AHCYL2: variants seen among roughly 807,000 people sequenced by gnomAD.
AHCYL2 encodes adenosylhomocysteinase like 2, also known as S-adenosylhomocysteine hydrolase-like protein 2.
A neutral mutation model predicts 81.4 loss-of-function variants in AHCYL2; 28 were observed. The ratio of observed to expected loss-of-function variants is 0.34; its 90% CI spans 0.25 to 0.47. AHCYL2 has a LOEUF of 0.47. Among genes scored for constraint, AHCYL2 ranks in the 20% least tolerant of loss-of-function variants. The pLI is 1.00. For synonymous variants in AHCYL2, 272 were observed against 290.2 expected (o/e 0.94, Z 0.64); for missense variants, 551 against 785.1 (o/e 0.70, Z 3.56).
rs551383450 is a variant in AHCYL2 at position 129,268,989 on chromosome 7, G to A, written c.363+43550G>A. 3.3e-5 allele frequency among the ~76,000 whole-genome samples: 5 copies of A among 152,062 alleles called. No individual in the cohort carries two copies. The South Asian group carries it at 1.0e-3, about 32-fold the overall frequency. ...TAGTAATCATTCCCTAGGCAACCAC[G>A]AATCTATTTTCTGTCTCTGGACGTT... is the stretch of plus-strand genomic sequence containing the variant. On this transcript the variant is annotated intron_variant, in intron 1 of 16. Transcript: ENST00000325006.
At chr7:129,292,653 G>A (rs1796907566) in intron 1 of AHCYL2, among the ~76,000 whole-genome samples, 1 of 152,080 alleles carries the variant, frequency 6.6e-6, no homozygotes, top group Non-Finnish European at 1.5e-5. Flanking sequence ...AGTAATCCCA[G>A]CTAGTTGGGA....
rs1410076747 is a variant in AHCYL2, at chr7:129,403,500, G to A, written c.1025+15G>A. The A allele has an allele frequency of 6.5e-7, 1 of 1,538,218 alleles. No individual in the cohort carries two copies. The highest frequency in any genetic ancestry group is 1.8e-5 in the Admixed American group (1 of 55,658). ...GGAGTTCACAGGTAAGATTTGACATGGGCATACCTGGTTTTATGCAGTCTA... is the reference window on the plus strand; with the variant it reads ...GGAGTTCACAGGTAAGATTTGACATAGGCATACCTGGTTTTATGCAGTCTA... On this transcript the variant is annotated intron_variant, in intron 7 of 16. Transcript: ENST00000325006.
intron 1 of AHCYL2, among the ~76,000 whole-genome samples, chr7:129,357,589 TGAAA>T (rs1254976928): frequency 6.6e-6 from 1 of 152,084 alleles, no homozygotes; most frequent in East Asian, 1.9e-4. Flanking sequence ...GCAAAAGACT[TGAAA>T]GACTCTTCAC....
rs893685987 is a variant in AHCYL2, at chr7:129,419,890, T to A, written c.1462-2950T>A. 6.6e-6 allele frequency among the ~76,000 whole-genome samples: 1 copy of A among 152,124 alleles called. No individual in the cohort carries two copies. Among genetic ancestry groups the A allele is most frequent in the South Asian group, 2.1e-4 (1 of 4,836 alleles). ...TCCCTTTTCCCGGTAGGTTGTTTAG[T>A]GATTATAGGTCCACAGCAAAGACAA... On this transcript the variant is annotated intron_variant, in intron 12 of 16. Coordinates refer to ENST00000325006, the MANE Select transcript of AHCYL2 (RefSeq NM_015328.4). This position sits in a 1 kb window ranked among gnomAD's most constrained non-coding sequence, Gnocchi z 4.7.
chr7:129,319,899 T>C (rs1485178486), intron 1 of AHCYL2, among the ~76,000 whole-genome samples: 3 of 152,028 alleles, frequency 2.0e-5, no homozygotes, highest in Admixed American at 1.3e-4. Context: ...TATATACATA[T>C]GCTTTCATTT....
intron 1 of AHCYL2, among the ~76,000 whole-genome samples, chr7:129,346,013 T>G (rs549604354): frequency 6.6e-6 from 1 of 152,220 alleles, no homozygotes; most frequent in Admixed American, 6.5e-5. Context: ...AAGTAGAGAT[T>G]TAGCAGTTAT....
intron 1 of AHCYL2, among the ~76,000 whole-genome samples, chr7:129,282,977 A>C (rs1416426191): frequency 6.6e-6 from 1 of 152,090 alleles, no homozygotes; most frequent in South Asian, 2.1e-4. Flanking sequence ...GGGGTTTTCC[A>C]GTTTGGCTGG....
intron 11 of AHCYL2, among the ~76,000 whole-genome samples, chr7:129,409,847 C>T (rs1456902773): frequency 2.7e-5 from 2 of 75,092 alleles, no homozygotes; most frequent in Non-Finnish European, 5.9e-5. Context: ...TTTGGGAAGC[C>T]AGATATTTTT....
intron 4 of AHCYL2, among the ~76,000 whole-genome samples, chr7:129,396,374 C>T (rs989417624): frequency 2.6e-5 from 4 of 151,886 alleles, no homozygotes; most frequent in Non-Finnish European, 5.9e-5. Flanking sequence ...ATCTGCCCGC[C>T]TCGGCCTCCC....
Position 129,295,105 on chromosome 7 carries a change from T to C in AHCYL2, c.363+69666T>C, listed in dbSNP as rs1429680825. Among the ~76,000 whole-genome samples, 9 of 152,346 alleles carry C rather than the reference T, an allele frequency of 5.9e-5. No individual in the cohort carries two copies. In the South Asian group the frequency reaches 1.2e-3, roughly 21 times the overall value. On this transcript the variant is annotated intron_variant, in intron 1 of 16. Transcript: ENST00000325006. ...ATAGCATCTGTCAATCACAGTCATT[T>C]CTTGGAAGGAAGAATTGAAAAATGG... is the stretch of plus-strand genomic sequence containing the variant.
chr7:129,319,771 A>G (rs1329678736), intron 1 of AHCYL2, among the ~76,000 whole-genome samples: 1 of 152,202 alleles, frequency 6.6e-6, no homozygotes, highest in East Asian at 1.9e-4. Flanking sequence ...ATTCGTTTAT[A>G]ACTGAATGGA....
chr7:129,301,552 G>A (rs967334958), intron 1 of AHCYL2, among the ~76,000 whole-genome samples: 18 of 152,112 alleles, frequency 1.2e-4, no homozygotes, highest in African/African-American at 4.3e-4. Flanking sequence ...GTGAGAGATA[G>A]AGGTCTAGTT....
At chr7:129,349,893 CCT>C (rs1382821338) in intron 1 of AHCYL2, among the ~76,000 whole-genome samples, 2 of 152,086 alleles carry the variant, frequency 1.3e-5, no homozygotes, top group African/African-American at 4.8e-5. Flanking sequence ...ATAAAAAATG[CCT>C]CTATCAATAT....
chr7:129,356,028 A>G (rs1349148375), intron 1 of AHCYL2, among the ~76,000 whole-genome samples: 1 of 152,210 alleles, frequency 6.6e-6, no homozygotes, highest in African/African-American at 2.4e-5. Flanking sequence ...TGAATGTGTT[A>G]TGTTGAAAAT....
At chr7:129,281,087 TC>T (rs1385886572) in intron 1 of AHCYL2, among the ~76,000 whole-genome samples, 1 of 151,986 alleles carries the variant, frequency 6.6e-6, no homozygotes, top group African/African-American at 2.4e-5. Flanking sequence ...ATGGTCTCGA[TC>T]TCCTGACCTC....
rs961110909 is a variant in AHCYL2, at chr7:129,413,621, A to G, written c.1394A>G (p.His465Arg). Reference protein sequence around the residue: ...TGNKNVVTREHLDRMKNSCIV... With the variant: ...TGNKNVVTRERLDRMKNSCIV... ...AACAAGAATGTGGTAACCAGAGAGC[A>G]CTTGGACCGTATGAAGAATAGCTGC... The change falls in exon 12 of 17, where the codon CAC becomes CGC. Residue 465 changes from histidine (H) to arginine (R), a missense_variant. By Grantham distance (29) the His-to-Arg change is conservative. This residue lies in a region of AHCYL2 where 316 missense variants were observed against 543.1 expected (regional missense o/e 0.58). Coordinates refer to ENST00000325006, the MANE Select transcript of AHCYL2 (RefSeq NM_015328.4). The G allele has an allele frequency of 1.5e-5, 24 of 1,614,060 alleles. No individual in the cohort carries two copies. Among genetic ancestry groups the G allele is most frequent in the African/African-American group, 4.0e-5 (3 of 74,940 alleles).
At chr7:129,328,893 A>G (rs1798320708) in intron 1 of AHCYL2, among the ~76,000 whole-genome samples, 1 of 152,176 alleles carries the variant, frequency 6.6e-6, no homozygotes, top group Admixed American at 6.5e-5. Context: ...TGTTTTGCCT[A>G]GATAATTTGT....
rs574111817 is a variant in AHCYL2 at position 129,343,344 on chromosome 7, T to C, written c.364-36294T>C. Reference sequence around the variant, plus strand: ...GAACTTAGCATTAATTTTCATATGTTTTCTTATTTGTCCTGCATTATAATA... The same window carrying C: ...GAACTTAGCATTAATTTTCATATGTCTTCTTATTTGTCCTGCATTATAATA... On this transcript the variant is annotated intron_variant, in intron 1 of 16. Coordinates refer to ENST00000325006, the MANE Select transcript of AHCYL2 (RefSeq NM_015328.4). Among the ~76,000 whole-genome samples the C allele has an allele frequency of 5.9e-5, 9 of 152,272 alleles. No individual in the cohort carries two copies. In the South Asian group the frequency reaches 1.9e-3, roughly 32 times the overall value.
At chr7:129,243,769 A>G (rs1483461311) in intron 1 of AHCYL2, among the ~76,000 whole-genome samples, 1 of 151,568 alleles carries the variant, frequency 6.6e-6, no homozygotes, top group Non-Finnish European at 1.5e-5. Flanking sequence ...TTTAGTAGAG[A>G]TGGGGTTTCA....
Sources: allele counts gnomAD v4.1 joint callset (sites outside exome capture counted in the v4.1 genomes callset), GRCh38; gene constraint gnomAD v4.1.1; regional missense constraint gnomAD v4.1.1; non-coding constraint Gnocchi (gnomAD v3.1); transcripts MANE v1.5; gene names NCBI Gene and HGNC (gene_info 2026-07-23, HGNC 2026-07-21).